The following TESMIN variants were observed in gnomAD, a reference collection of about 807,000 sequenced individuals.
TESMIN encodes the protein CXC domain containing 2.
TESMIN carries 34 observed loss-of-function variants against 47.4 expected under a neutral mutation model. The observed-to-expected ratio is 0.72, with a 90% CI of 0.55 to 0.96. The LOEUF is 0.96. Among genes scored for constraint, TESMIN ranks in the 40% least tolerant of loss-of-function variants. The pLI, the probability that TESMIN is intolerant of heterozygous loss-of-function variation, is 0.00. For missense variants in TESMIN, 610 were observed against 637.2 expected (o/e 0.96, Z 0.46); for synonymous variants, 278 against 258.9 (o/e 1.07, Z -0.71).
At chr11:68,745,540 G>GGCGGCGTGGGCACTGAGGCCCTA (rs1946509901) in intron 3 of TESMIN, among the ~76,000 whole-genome samples, 1 of 152,158 alleles carries the variant, frequency 6.6e-6, no homozygotes, top group Admixed American at 6.5e-5. Context: ...CTGAGGCCCT[G>GGCGGCGTGGGCACTGAGGCCCTA]GCGGCATGTC....
rs1394826855 is a variant in TESMIN, at chr11:68,750,584, C to T, written c.77G>A (p.Gly26Asp). The change falls in exon 2 of 10, where the codon GGT becomes GAT. Residue 26 changes from glycine to aspartate, a missense_variant. By Grantham distance (94) the Gly-to-Asp change is moderately conservative. Transcript: ENST00000255087. The stretch of plus-strand genomic sequence containing the variant: ...GCCGATGTTCTCCGAAGCGAACGGA[C>T]CCTCGGGGCTTAAGAGCTCCGTCAC... ...AMVTELLSPE[G>D]PFASENIGLK... 1.2e-6 allele frequency: 2 copies of T among 1,606,854 alleles called. No homozygotes were observed. The highest frequency in any genetic ancestry group is 2.2e-5 in the East Asian group (1 of 44,532).
Position 68,750,458 on chromosome 11 carries a change from T to C in TESMIN, c.203A>G (p.Asn68Ser), listed in dbSNP as rs749702276. The change falls in exon 2 of 10, where the codon AAC becomes AGC. Residue 68 changes from asparagine (N) to serine (S), a missense_variant. Coordinates refer to ENST00000255087, the MANE Select transcript of TESMIN (RefSeq NM_004923.3). Reference protein sequence around the residue: ...DPKEPVLHAFNPALGADCKGQ... With the variant: ...DPKEPVLHAFSPALGADCKGQ... ...CTTGCAGTCGGCGCCCAGCGCGGGG[T>C]TGAACGCGTGCAGGACGGGTTCCTT... is the stretch of plus-strand genomic sequence containing the variant. The C allele has an allele frequency of 3.1e-6, 5 of 1,591,168 alleles. No homozygotes were observed. The highest frequency in any genetic ancestry group is 2.3e-5 in the South Asian group (2 of 88,010).
intron 9 of TESMIN, among the ~76,000 whole-genome samples, chr11:68,709,604 T>C (rs1946038908): frequency 6.6e-6 from 1 of 152,204 alleles, no homozygotes; most frequent in South Asian, 2.1e-4. Context: ...GAAAGCTTTA[T>C]AAAACATTAA....
intron 7 of TESMIN, among the ~76,000 whole-genome samples, chr11:68,714,026 G>A (rs1455138515): frequency 2.0e-5 from 3 of 152,190 alleles, no homozygotes; most frequent in African/African-American, 7.2e-5. Flanking sequence ...CACACGATAT[G>A]TTATCCAGGT....
chr11:68,731,492 TATA>T (rs1197677741), intron 6 of TESMIN, among the ~76,000 whole-genome samples: 1 of 152,074 alleles, frequency 6.6e-6, no homozygotes, highest in Non-Finnish European at 1.5e-5. Flanking sequence ...TGATGGCAAT[TATA>T]ATAATAATCC....
chr11:68,719,997 A>C (rs1946186401), intron 6 of TESMIN, among the ~76,000 whole-genome samples: 1 of 152,226 alleles, frequency 6.6e-6, no homozygotes, highest in African/African-American at 2.4e-5. Context: ...GACAAACAAA[A>C]AGAAAAACCA....
At chr11:68,726,854 G>A (rs1411023350) in intron 6 of TESMIN, among the ~76,000 whole-genome samples, 1 of 151,938 alleles carries the variant, frequency 6.6e-6, no homozygotes, top group African/African-American at 2.4e-5. Flanking sequence ...GAGGTGGGAG[G>A]ATTCCTTGAG....
intron 6 of TESMIN, among the ~76,000 whole-genome samples, chr11:68,730,658 G>C (rs999987452): frequency 1.3e-5 from 2 of 152,068 alleles, no homozygotes; most frequent in East Asian, 3.9e-4. Context: ...AGCTGGGCAT[G>C]GTGGCGGGCA....
Position 68,734,434 on chromosome 11 carries a change from G to A in TESMIN, c.917+4266C>T, listed in dbSNP as rs117400627. ...GAAGAGACACTCACCAAGGAGCTCA[G>A]AACATTTGCAATGGAAGTGGTTCAA... On this transcript the variant is annotated intron_variant, in intron 6 of 9. Transcript: ENST00000255087. Among the ~76,000 whole-genome samples the A allele has an allele frequency of 7.3e-3, 1,115 of 152,324 alleles. 8 individuals carry two copies. The highest frequency in any genetic ancestry group is 0.02 in the Middle Eastern group (6 of 294).
chr11:68,733,220 G>T (rs1946349464), intron 6 of TESMIN, among the ~76,000 whole-genome samples: 2 of 152,148 alleles, frequency 1.3e-5, no homozygotes, highest in South Asian at 4.1e-4. Context: ...ACCATCCCTT[G>T]ACCACACCTC....
intron 7 of TESMIN, among the ~76,000 whole-genome samples, chr11:68,714,237 A>G (rs865806257): frequency 3.9e-5 from 6 of 152,244 alleles, no homozygotes; most frequent in Admixed American, 1.3e-4. Flanking sequence ...CCATCGCTAC[A>G]GAATGTGCTG....
chr11:68,745,241 A>G (rs1295423120), intron 3 of TESMIN, 130 bp from the exon 4 acceptor site: 14 of 824,720 alleles, frequency 1.7e-5, no homozygotes, highest in Non-Finnish European at 2.3e-5. Context: ...ATAGAAAACT[A>G]TAGATCTGTT....
At chr11:68,745,322 A>G (rs982286915) in intron 3 of TESMIN, among the ~76,000 whole-genome samples, 4 of 149,798 alleles carry the variant, frequency 2.7e-5, no homozygotes, top group African/African-American at 9.8e-5. Flanking sequence ...AAAAAAAAAG[A>G]AAAACCCAGA....
At chr11:68,740,310 G>T (rs762450932) in intron 5 of TESMIN, among the ~76,000 whole-genome samples, 1 of 152,160 alleles carries the variant, frequency 6.6e-6, no homozygotes, top group Non-Finnish European at 1.5e-5. Flanking sequence ...CTGGGGTCTG[G>T]CAAGGAAGCA....
chr11:68,726,156 C>T (rs1451247766), intron 6 of TESMIN, among the ~76,000 whole-genome samples: 1 of 152,148 alleles, frequency 6.6e-6, no homozygotes, highest in African/African-American at 2.4e-5. Flanking sequence ...AGAAGGTCTG[C>T]TGCAGGATCC....
intron 9 of TESMIN, 25 bp downstream of exon 9, chr11:68,710,849 G>C: frequency 1.9e-6 from 3 of 1,580,798 alleles, no homozygotes; most frequent in Non-Finnish European, 2.6e-6. Context: ...CCCTCTATTA[G>C]CAGAGGTTAG....
chr11:68,720,477 A>T (rs1402258856), intron 6 of TESMIN, among the ~76,000 whole-genome samples: 2 of 152,106 alleles, frequency 1.3e-5, no homozygotes, highest in Admixed American at 1.3e-4. Context: ...CTCCTGGAAA[A>T]CCCAGGGCTC....
At chr11:68,726,121 C>A (rs1025809790) in intron 6 of TESMIN, among the ~76,000 whole-genome samples, 1 of 152,106 alleles carries the variant, frequency 6.6e-6, no homozygotes. Flanking sequence ...CGTATATTAA[C>A]CCCAGTCGAA....
Position 68,745,026 on chromosome 11 carries a change from G to A in TESMIN, c.716C>T (p.Pro239Leu). ...ATAATTATTTTGATCTTGATACTGA[G>A]GAACCAAATGGAGTGCTTTTAGTTC... The part of the protein sequence containing the change: ...TRELKALHLV[P>L]QYQDQNNYLQ... The change falls in exon 4 of 10, where the codon CCT (proline) becomes CTT (leucine). Residue 239 changes from proline to leucine, a missense_variant. By Grantham distance (98) the Pro-to-Leu change is moderately conservative. Transcript: ENST00000255087. The A allele has an allele frequency of 6.3e-7, 1 of 1,583,876 alleles. No individual in the cohort carries two copies. The highest frequency in any genetic ancestry group is 1.9e-5 in the Admixed American group (1 of 51,704).
Sources: gnomAD v4.1 joint callset for allele counts (sites outside exome capture counted in the v4.1 genomes callset) on GRCh38, gnomAD v4.1.1 for gene constraint, MANE v1.5 for transcripts, NCBI Gene and HGNC (gene_info 2026-07-23, HGNC 2026-07-21) for gene names.